Variants in AKT3 observed in about 807,000 individuals in gnomAD.
AKT3 encodes the protein AKT serine/threonine kinase 3, also known as RAC-gamma serine/threonine-protein kinase.
Under a neutral mutation model 65.3 loss-of-function variants are expected in AKT3, and 15 were observed. The ratio of observed to expected loss-of-function variants is 0.23; its 90% CI spans 0.15 to 0.35. The LOEUF is 0.35. Among genes scored for constraint, AKT3 ranks in the 10% least tolerant of loss-of-function variants. AKT3 has a pLI of 1.00. For missense variants in AKT3, 243 were observed against 576.5 expected (o/e 0.42, Z 5.92); for synonymous variants, 206 against 183.8 (o/e 1.12, Z -0.98).
In AKT3 at chr1:243,840,333, T is replaced by C. The variant is rs572964489; in HGVS notation, c.46+2792A>G. Among the ~76,000 whole-genome samples, 474 of 151,010 alleles carry C rather than the reference T, an allele frequency of 3.1e-3. 1 individual carries two copies. The highest frequency in any genetic ancestry group is 5.3e-3 in the Non-Finnish European group (356 of 67,792). ...ACACACGGACACAAGGAGGGGAACATCACACACCAGGGCCTGCTGGGGGTG... is the reference window on the plus strand; with the variant it reads ...ACACACGGACACAAGGAGGGGAACACCACACACCAGGGCCTGCTGGGGGTG... On this transcript the variant is annotated intron_variant, in intron 2 of 13. Coordinates refer to ENST00000673466, the MANE Select transcript of AKT3 (RefSeq NM_005465.7).
At chr1:243,610,980 G>A (rs535130343) in intron 8 of AKT3, among the ~76,000 whole-genome samples, 1 of 152,180 alleles carries the variant, frequency 6.6e-6, no homozygotes, top group South Asian at 2.1e-4. Flanking sequence ...ATGCTGCAAT[G>A]AGTATACTTA....
At chr1:243,790,321 C>T (rs557166180) in intron 2 of AKT3, among the ~76,000 whole-genome samples, 2 of 152,346 alleles carry the variant, frequency 1.3e-5, no homozygotes, top group East Asian at 3.9e-4. Flanking sequence ...GTTGCAGCTT[C>T]TACATCAACA....
chr1:243,710,870 G>A (rs188906239), intron 2 of AKT3, among the ~76,000 whole-genome samples: 33 of 152,308 alleles, frequency 2.2e-4, no homozygotes, highest in Admixed American at 2.0e-3. Context: ...TCCATGAGGA[G>A]AAGAAATATT....
intron 2 of AKT3, among the ~76,000 whole-genome samples, chr1:243,728,090 C>T (rs944101939): frequency 3.3e-5 from 5 of 152,176 alleles, no homozygotes; most frequent in Non-Finnish European, 7.3e-5. Flanking sequence ...TGTACGTTAA[C>T]ATGACTTGAC....
intron 2 of AKT3, among the ~76,000 whole-genome samples, chr1:243,813,803 A>G (rs1166629780): frequency 6.6e-6 from 1 of 152,224 alleles, no homozygotes; most frequent in Admixed American, 6.5e-5. Flanking sequence ...GATTCAATTA[A>G]AAATTTTAAA....
intron 2 of AKT3, among the ~76,000 whole-genome samples, chr1:243,821,223 A>G (rs1035828467): frequency 6.6e-6 from 1 of 152,162 alleles, no homozygotes; most frequent in Non-Finnish European, 1.5e-5. Context: ...CCTTTTCACA[A>G]AAGCAAATGC....
chr1:243,646,165 G>A (rs947616445), intron 4 of AKT3, 128 bp from the exon 5 acceptor site: 1 of 692,616 alleles, frequency 1.4e-6, no homozygotes, highest in East Asian at 3.1e-5. Flanking sequence ...ACACAGATAA[G>A]CATACACTCT....
At chr1:243,552,544 GAA>G (rs1673156383) in intron 11 of AKT3, among the ~76,000 whole-genome samples, 183 bp downstream of exon 11, 1 of 151,902 alleles carries the variant, frequency 6.6e-6, no homozygotes, top group South Asian at 2.1e-4. Flanking sequence ...TCCAAGTTAG[GAA>G]AGAGTTGAGA....
At chr1:243,649,568 C>T (rs965160739) in intron 4 of AKT3, among the ~76,000 whole-genome samples, 1 of 152,128 alleles carries the variant, frequency 6.6e-6, no homozygotes, top group South Asian at 2.1e-4. Flanking sequence ...CCCCTAGCCC[C>T]CAACTCCCTG....
At chr1:243,750,095 C>T (rs1688707511) in intron 2 of AKT3, among the ~76,000 whole-genome samples, 1 of 152,126 alleles carries the variant, frequency 6.6e-6, no homozygotes, top group African/African-American at 2.4e-5. Flanking sequence ...CGAAGTCATG[C>T]TTTTATAAAG....
chr1:243,758,009 C>A (rs1333774114), intron 2 of AKT3, among the ~76,000 whole-genome samples: 1 of 152,138 alleles, frequency 6.6e-6, no homozygotes, highest in African/African-American at 2.4e-5. Context: ...GTGATCCACC[C>A]GCCTCGGCCT....
intron 2 of AKT3, among the ~76,000 whole-genome samples, chr1:243,734,371 A>C (rs1687726202): frequency 6.6e-6 from 1 of 152,228 alleles, no homozygotes; most frequent in Non-Finnish European, 1.5e-5. Flanking sequence ...ATGGGGATAC[A>C]TTCTGAGAAA....
chr1:243,804,866 A>G (rs1247429850), intron 2 of AKT3, among the ~76,000 whole-genome samples: 1 of 152,012 alleles, frequency 6.6e-6, no homozygotes, highest in Non-Finnish European at 1.5e-5. Context: ...AAACAAACAA[A>G]AAAGAATATA....
At chr1:243,598,814 ATTTTG>A (rs1001136139) in intron 8 of AKT3, among the ~76,000 whole-genome samples, 10 of 152,118 alleles carry the variant, frequency 6.6e-5, no homozygotes, top group East Asian at 1.9e-4. Context: ...TATTGGGTTT[ATTTTG>A]TTTTATTATT....
intron 11 of AKT3, among the ~76,000 whole-genome samples, chr1:243,550,498 T>A (rs1672973542): frequency 6.6e-6 from 1 of 151,848 alleles, no homozygotes. Context: ...GACATACACA[T>A]GAAAACCACA....
chr1:243,647,095 C>T (rs1280489148), intron 4 of AKT3, among the ~76,000 whole-genome samples: 2 of 152,292 alleles, frequency 1.3e-5, no homozygotes, highest in African/African-American at 2.4e-5. Context: ...TATAGCTCTA[C>T]ATTTATACAG....
chr1:243,532,431 C>T (rs1208083561), intron 12 of AKT3, among the ~76,000 whole-genome samples: 1 of 152,092 alleles, frequency 6.6e-6, no homozygotes, highest in Non-Finnish European at 1.5e-5. Context: ...AAGTTTTCTC[C>T]TTCATTCTAT....
rs1006742917 is a variant in AKT3, at chr1:243,570,035, T to C, written c.819+2891A>G. Among the ~76,000 whole-genome samples the C allele has an allele frequency of 2.0e-5, 3 of 152,342 alleles. No individual in the cohort carries two copies. In the South Asian group the frequency reaches 6.2e-4, roughly 32 times the overall value. ...AAATAAAACTTCATTACATGATGTG[T>C]ATTGACAAATTAAATGAACTTACTT... On this transcript the variant is annotated intron_variant, in intron 9 of 13. Coordinates refer to ENST00000673466, the MANE Select transcript of AKT3 (RefSeq NM_005465.7).
At chr1:243,783,399 G>A (rs1411318083) in intron 2 of AKT3, among the ~76,000 whole-genome samples, 1 of 152,150 alleles carries the variant, frequency 6.6e-6, no homozygotes, top group Non-Finnish European at 1.5e-5. Flanking sequence ...GTGCCAGCAG[G>A]GTGGCATACC....
Sources: allele counts gnomAD v4.1 joint callset (sites outside exome capture counted in the v4.1 genomes callset), GRCh38; gene constraint gnomAD v4.1.1; transcripts MANE v1.5; gene names NCBI Gene and HGNC (gene_info 2026-07-23, HGNC 2026-07-21).